The following PRDM1 variants were observed in gnomAD, a reference collection of about 807,000 sequenced individuals.
The protein encoded by PRDM1 is PR domain zinc finger protein 1.
A neutral mutation model predicts 62.8 loss-of-function variants in PRDM1; 13 were observed. The ratio of observed to expected loss-of-function variants is 0.21; its 90% CI spans 0.13 to 0.33. The LOEUF is 0.33. Ranked by LOEUF, PRDM1 falls within the 10% of genes least tolerant of loss-of-function variation. The pLI is 1.00. For missense variants in PRDM1, 895 were observed against 1,058.8 expected (o/e 0.85, Z 2.15); for synonymous variants, 396 against 417.6 (o/e 0.95, Z 0.63).
chr6:106,021,651 A>G (rs1311112605), intron 1 of PRDM1, among the ~76,000 whole-genome samples: 2 of 151,910 alleles, frequency 1.3e-5, no homozygotes, highest in African/African-American at 4.8e-5. Context: ...ACAGAGTTTC[A>G]CTCTTGTTGC....
chr6:106,076,379 A>G (rs1265872767), intron 1 of PRDM1, among the ~76,000 whole-genome samples: 3 of 152,208 alleles, frequency 2.0e-5, no homozygotes, highest in East Asian at 3.8e-4. Context: ...TTGTATACAG[A>G]AAGAATTTAG....
rs923540151 is a variant in PRDM1 at position 105,994,436 on chromosome 6, C to T, written c.-67+797C>T. Among the ~76,000 whole-genome samples, 3 of 151,322 alleles carry T rather than the reference C, an allele frequency of 2.0e-5. No homozygotes were observed. The highest frequency in any genetic ancestry group is 1.5e-5 in the Non-Finnish European group (1 of 67,838). On this transcript the variant is annotated intron_variant, in intron 1 of 6. Transcript: ENST00000652320. The surrounding 1 kb of genome is among the most constrained non-coding windows in gnomAD (Gnocchi z 4.1). ...TTCCGCTGGAAGACGAGCGGGGACGCGTGACAGCGCGGGGATAGCTTTTCT... is the reference window on the plus strand; with the variant it reads ...TTCCGCTGGAAGACGAGCGGGGACGTGTGACAGCGCGGGGATAGCTTTTCT...
Position 106,106,263 on chromosome 6 carries a change from T to A in PRDM1, c.1774-108T>A, listed in dbSNP as rs1000198536. 1.0e-5 allele frequency: 15 copies of A among 1,467,744 alleles called. No individual in the cohort carries two copies. Among genetic ancestry groups the A allele is most frequent in the Non-Finnish European group, 1.4e-5 (15 of 1,080,910 alleles). The allele number at this position is 1,467,744 out of a possible 1,614,324, so 90.9% of individuals were successfully genotyped here. On this transcript the variant is annotated intron_variant, in intron 5 of 6. Coordinates refer to ENST00000369096, the MANE Select transcript of PRDM1 (RefSeq NM_001198.4). The surrounding 1 kb of genome is among the most constrained non-coding windows in gnomAD (Gnocchi z 4.4). The stretch of plus-strand genomic sequence containing the variant: ...AAGATTTCTTCTTTTTAAGACTGTC[T>A]TGATGCTTTTCTTAAGATATTTGCA...
At chr6:106,074,402 T>C (rs1251052310) in intron 1 of PRDM1, among the ~76,000 whole-genome samples, 2 of 152,220 alleles carry the variant, frequency 1.3e-5, no homozygotes, top group Admixed American at 6.5e-5. Flanking sequence ...ATAATAATTT[T>C]AAAATACATT....
chr6:106,105,206 G>A lies in PRDM1; in HGVS notation c.1046G>A (p.Ser349Asn), dbSNP rs1160617182. 1.2e-6 allele frequency: 2 copies of A among 1,613,608 alleles called. No homozygotes were observed. The highest frequency in any genetic ancestry group is 1.1e-5 in the South Asian group (1 of 91,066). Residue 349 changes from serine (S) to asparagine (N), a missense_variant, in exon 5 of 7, where the codon AGC becomes AAC. Ser to Asn is a conservative substitution (Grantham distance 46). Transcript: ENST00000369096. ...ARSSPDQSLKSSSPHSSPGNT... is the reference protein window; with the variant it reads ...ARSSPDQSLKNSSPHSSPGNT... ...AGCAGCCCCGACCAAAGCCTCAAGA[G>A]CTCCAGCCCTCACAGCAGCCCTGGG...
chr6:106,086,111 G>C (rs1773792259), upstream of PRDM1, among the ~76,000 whole-genome samples: 1 of 152,204 alleles, frequency 6.6e-6, no homozygotes, highest in African/African-American at 2.4e-5. Context: ...ATACAATAGA[G>C]CCCAAGTAAG....
intron 1 of PRDM1, among the ~76,000 whole-genome samples, chr6:106,024,298 A>G (rs1312251366): frequency 6.6e-6 from 1 of 152,204 alleles, no homozygotes; most frequent in Admixed American, 6.5e-5. Flanking sequence ...GTGTGCCTAC[A>G]GTTTTCTTCA....
intron 1 of PRDM1, among the ~76,000 whole-genome samples, chr6:106,005,267 G>A (rs1318118445): frequency 1.3e-5 from 2 of 152,222 alleles, no homozygotes; most frequent in Non-Finnish European, 2.9e-5. Flanking sequence ...GTGGCAGCCT[G>A]TTTGGATATG....
intron 1 of PRDM1, among the ~76,000 whole-genome samples, chr6:106,069,670 G>A (rs575478691): frequency 3.3e-5 from 5 of 152,344 alleles, no homozygotes; most frequent in African/African-American, 1.2e-4. Flanking sequence ...TGCCAAACAC[G>A]TGGAAGGTAA....
chr6:106,032,979 A>G (rs1436026973), intron 1 of PRDM1, among the ~76,000 whole-genome samples: 1 of 152,134 alleles, frequency 6.6e-6, no homozygotes, highest in African/African-American at 2.4e-5. Context: ...TTCTCATTTA[A>G]TCCTCACAAA....
At chr6:106,034,215 T>A (rs1457534463) in intron 1 of PRDM1, among the ~76,000 whole-genome samples, 1 of 152,128 alleles carries the variant, frequency 6.6e-6, no homozygotes, top group Non-Finnish European at 1.5e-5. Flanking sequence ...GTTTTTGGTC[T>A]CATTTATTTC....
upstream of PRDM1, among the ~76,000 whole-genome samples, chr6:106,085,546 C>T (rs1280552701): frequency 6.6e-6 from 1 of 152,190 alleles, no homozygotes; most frequent in African/African-American, 2.4e-5. Flanking sequence ...CAACAGAGGA[C>T]TGACTGGGCT....
chr6:106,091,518 G>A (rs751639231), intron 2 of PRDM1, among the ~76,000 whole-genome samples: 1 of 152,142 alleles, frequency 6.6e-6, no homozygotes, highest in Non-Finnish European at 1.5e-5. Flanking sequence ...GGTGGCTCAC[G>A]CCTGTAATCC....
intron 4 of PRDM1, 126 bp downstream of exon 4, chr6:106,099,678 T>C (rs1774212493): frequency 2.3e-6 from 3 of 1,326,868 alleles, no homozygotes; most frequent in East Asian, 2.5e-5. Flanking sequence ...TGGCTTAAGC[T>C]AGGGACTAGG....
At chr6:106,085,260 C>A (rs982360590), upstream of PRDM1, among the ~76,000 whole-genome samples, 1 of 151,436 alleles carries the variant, frequency 6.6e-6, no homozygotes, top group Non-Finnish European at 1.5e-5. Flanking sequence ...CATTGCAGGT[C>A]GAAGGAGAAA....
intron 1 of PRDM1, among the ~76,000 whole-genome samples, chr6:106,007,884 G>A (rs758597624): frequency 2.0e-5 from 3 of 152,126 alleles, no homozygotes; most frequent in Non-Finnish European, 2.9e-5. Context: ...TAGTTGGTAC[G>A]CCCTATGAGG....
intron 1 of PRDM1, among the ~76,000 whole-genome samples, chr6:106,000,537 C>T (rs1772414305): frequency 1.3e-5 from 2 of 149,802 alleles, no homozygotes; most frequent in South Asian, 2.1e-4. Context: ...ATCTCTTTTC[C>T]CTCCCTCCCT....
upstream of PRDM1, among the ~76,000 whole-genome samples, chr6:106,085,108 T>G (rs1773766689): frequency 1.3e-5 from 2 of 152,342 alleles, no homozygotes; most frequent in South Asian, 4.1e-4. Flanking sequence ...CTTTGTTTCA[T>G]TTCTTCCTGT....
At chr6:106,049,330 G>A (rs1773133550) in intron 1 of PRDM1, among the ~76,000 whole-genome samples, 1 of 152,194 alleles carries the variant, frequency 6.6e-6, no homozygotes, top group Admixed American at 6.5e-5. Flanking sequence ...TCACCAACAA[G>A]CCTCAGGTGA....
Sources: gnomAD v4.1 joint callset for allele counts (sites outside exome capture counted in the v4.1 genomes callset) on GRCh38, gnomAD v4.1.1 for gene constraint, Gnocchi (gnomAD v3.1) non-coding constraint, MANE v1.5 for transcripts, NCBI Gene and HGNC (gene_info 2026-07-23, HGNC 2026-07-21) for gene names.